Variants in GULP1 observed in about 807,000 individuals in gnomAD.
The protein encoded by GULP1 is PTB domain-containing engulfment adapter protein 1.
In GULP1, 19 loss-of-function variants were observed where a neutral mutation model predicts 40.9. That is an observed-to-expected ratio of 0.46 (90% confidence interval 0.32 to 0.68). The LOEUF (loss-of-function observed/expected upper bound fraction) is 0.68, where lower values mean the gene tolerates loss of function less well. Among genes scored for constraint, GULP1 ranks in the 30% least tolerant of loss-of-function variants. The pLI is 0.03. For synonymous variants in GULP1, 119 were observed against 117.6 expected, an observed-to-expected ratio of 1.01 and a Z score of -0.08; for missense variants, 312 against 362.2, an observed-to-expected ratio of 0.86 and a Z score of 1.12.
At chr2:188,438,478 TTAACA>T (rs1163586717) in intron 2 of GULP1, among the ~76,000 whole-genome samples, 2 of 150,830 alleles carry the variant, frequency 1.3e-5, no homozygotes, top group African/African-American at 4.9e-5. Context: ...AATCAGTATA[TTAACA>T]TAACAATTAT....
intron 1 of GULP1, among the ~76,000 whole-genome samples, chr2:188,327,731 C>A (rs2040957520): frequency 6.6e-6 from 1 of 152,048 alleles, no homozygotes; most frequent in African/African-American, 2.4e-5. Context: ...TGAATTCTGG[C>A]TAATGGGATG....
chr2:188,433,120 A>G (rs774353550), intron 2 of GULP1, among the ~76,000 whole-genome samples: 2 of 152,140 alleles, frequency 1.3e-5, no homozygotes, highest in African/African-American at 2.4e-5. Context: ...AAATGTGTAC[A>G]CTAGAAGACC....
At chr2:188,422,389 T>TAC (rs1167940745) in intron 2 of GULP1, among the ~76,000 whole-genome samples, 1 of 151,172 alleles carries the variant, frequency 6.6e-6, no homozygotes, top group Non-Finnish European at 1.5e-5. Flanking sequence ...TGTATATGTA[T>TAC]ACACACACAC....
At chr2:188,500,720 A>T (rs2063349519) in intron 4 of GULP1, among the ~76,000 whole-genome samples, 1 of 151,964 alleles carries the variant, frequency 6.6e-6, no homozygotes, top group Non-Finnish European at 1.5e-5. Context: ...ATGATTAACA[A>T]AACTTGGAGT....
At chr2:188,313,753 A>C (rs916190731) in intron 1 of GULP1, among the ~76,000 whole-genome samples, 10 of 152,102 alleles carry the variant, frequency 6.6e-5, no homozygotes, top group Non-Finnish European at 2.9e-5. Context: ...TGAGGATGGA[A>C]TGTTTTGCCT....
intron 2 of GULP1, among the ~76,000 whole-genome samples, chr2:188,434,096 C>T (rs1353155202): frequency 6.6e-6 from 1 of 152,006 alleles, no homozygotes; most frequent in Non-Finnish European, 1.5e-5. Flanking sequence ...GAAGAGCTGA[C>T]TGAATAATAT....
chr2:188,472,734 G>T (rs868678241), intron 2 of GULP1, among the ~76,000 whole-genome samples: 4 of 152,100 alleles, frequency 2.6e-5, no homozygotes, highest in Non-Finnish European at 5.9e-5. Flanking sequence ...AAGCTATTTT[G>T]AATTCTCTGT....
chr2:188,477,662 T>G lies in GULP1; in HGVS notation c.-41T>G, dbSNP rs760365739. ...TAATATTTTGTCACTTTTACAGGAT[T>G]TAAGTCGTGGAACTGAACATTTATT... On this transcript the variant is annotated 5_prime_UTR_variant, in exon 3 of 12. In the 5' UTR this introduces an upstream ATG that the reference lacks. Coordinates refer to ENST00000409830, the MANE Select transcript of GULP1 (RefSeq NM_016315.4). 18 of 1,548,994 alleles carry G rather than the reference T, an allele frequency of 1.2e-5. No individual in the cohort carries two copies.
At chr2:188,330,052 A>G (rs1350175050) in intron 1 of GULP1, among the ~76,000 whole-genome samples, 1 of 152,142 alleles carries the variant, frequency 6.6e-6, no homozygotes, top group Non-Finnish European at 1.5e-5. Flanking sequence ...CAAATTGAGG[A>G]GTCGTCATCA....
At chr2:188,504,603 CAAT>C (rs1316751770) in intron 4 of GULP1, among the ~76,000 whole-genome samples, 1 of 151,756 alleles carries the variant, frequency 6.6e-6, no homozygotes, top group African/African-American at 2.4e-5. Context: ...TGATGGTTAA[CAAT>C]AATTGTGAAA....
chr2:188,415,515 A>C (rs1353932506), intron 2 of GULP1, among the ~76,000 whole-genome samples: 1 of 152,068 alleles, frequency 6.6e-6, no homozygotes, highest in African/African-American at 2.4e-5. Context: ...ATTAAAAAAA[A>C]AAAAGTAAGT....
intron 1 of GULP1, among the ~76,000 whole-genome samples, chr2:188,322,260 T>C (rs2040094757): frequency 6.6e-6 from 1 of 152,104 alleles, no homozygotes; most frequent in African/African-American, 2.4e-5. Context: ...GTATTAATCA[T>C]TATAGAGTAT....
chr2:188,406,407 A>G lies in GULP1; in HGVS notation c.-45+22518A>G, dbSNP rs567633615. ...TAACCAAAATTTTGATATGCAACACATGACTGTAATTGTTTTAGGAAAGCT... is the reference window on the plus strand; with the variant it reads ...TAACCAAAATTTTGATATGCAACACGTGACTGTAATTGTTTTAGGAAAGCT... On this transcript the variant is annotated intron_variant, in intron 2 of 11. Transcript: ENST00000409830. 2.2e-4 allele frequency among the ~76,000 whole-genome samples: 34 copies of G among 152,342 alleles called. 1 individual carries two copies. The South Asian group carries it at 5.2e-3, about 23-fold the overall frequency.
Position 188,454,296 on chromosome 2 carries a change from G to A in GULP1, c.-44-23363G>A, listed in dbSNP as rs1361982748. Among the ~76,000 whole-genome samples the A allele has an allele frequency of 2.6e-5, 4 of 152,210 alleles. No homozygotes were observed. In the South Asian group the frequency reaches 8.3e-4, roughly 31 times the overall value. On this transcript the variant is annotated intron_variant, in intron 2 of 11. Transcript: ENST00000409830. ...CTGCAGTCTGGTGGTTTCTCCCCCAGTATGGCTTAGTCTGGGGTTTTTATA... is the reference window on the plus strand; with the variant it reads ...CTGCAGTCTGGTGGTTTCTCCCCCAATATGGCTTAGTCTGGGGTTTTTATA...
chr2:188,404,708 A>G (rs573016360), intron 2 of GULP1, among the ~76,000 whole-genome samples: 5 of 152,028 alleles, frequency 3.3e-5, no homozygotes, highest in African/African-American at 1.2e-4. Flanking sequence ...GTCCAGCATT[A>G]GACTGGTCCC....
intron 2 of GULP1, among the ~76,000 whole-genome samples, chr2:188,386,679 A>G (rs2049803299): frequency 6.6e-6 from 1 of 152,090 alleles, no homozygotes; most frequent in South Asian, 2.1e-4. Context: ...AATGACTGTG[A>G]TCTTTTAAAG....
chr2:188,463,008 G>T lies in GULP1; in HGVS notation c.-44-14651G>T, dbSNP rs541125820. Among the ~76,000 whole-genome samples, 5 of 151,934 alleles carry T rather than the reference G, an allele frequency of 3.3e-5. No homozygotes were observed. In the East Asian group the frequency reaches 7.7e-4, roughly 24 times the overall value. ...AAAAGTTGTTTTAGTTATTATTTTT[G>T]ATTGGATCATTGTTTAGTTTTTGTA... On this transcript the variant is annotated intron_variant, in intron 2 of 11. Coordinates refer to ENST00000409830, the MANE Select transcript of GULP1 (RefSeq NM_016315.4).
chr2:188,572,047 C>T (rs1203919839), intron 9 of GULP1, among the ~76,000 whole-genome samples: 1 of 152,124 alleles, frequency 6.6e-6, no homozygotes, highest in East Asian at 1.9e-4. Flanking sequence ...CCAAAGCAGA[C>T]ACTGCTCTGA....
At chr2:188,478,395 G>A (rs1213143699) in intron 3 of GULP1, among the ~76,000 whole-genome samples, 1 of 152,090 alleles carries the variant, frequency 6.6e-6, no homozygotes, top group Admixed American at 6.6e-5. Flanking sequence ...GTAGGTCAGT[G>A]AAGTTTAAAT....
Sources: gnomAD v4.1 joint callset for allele counts (sites outside exome capture counted in the v4.1 genomes callset) on GRCh38, gnomAD v4.1.1 for gene constraint, MANE v1.5 for transcripts, NCBI Gene and HGNC (gene_info 2026-07-23, HGNC 2026-07-21) for gene names.